RHOC: variants seen among roughly 807,000 people sequenced by gnomAD.
RHOC encodes rho-related GTP-binding protein RhoC.
RHOC carries 13 observed loss-of-function variants against 19.5 expected under a neutral mutation model. That is an observed-to-expected ratio of 0.67 (90% CI 0.43 to 1.06). RHOC has a LOEUF of 1.06. Among genes scored for constraint, RHOC ranks in the 50% least tolerant of loss-of-function variants. The probability of loss-of-function intolerance (pLI) is 0.00; values close to 1 mark genes in which losing one functional copy is unlikely to be tolerated. For synonymous variants in RHOC, 106 were observed against 97.3 expected (o/e 1.09, Z -0.52); for missense variants, 173 against 256.9 (o/e 0.67, Z 2.23).
At position 112,703,048 on chromosome 1, in the gene RHOC, G is replaced by A; in HGVS notation, c.228C>T (p.Asp76=). The A allele has an allele frequency of 6.2e-7, 1 of 1,614,200 alleles. No individual in the cohort carries two copies. The highest frequency in any genetic ancestry group is 1.6e-4 in the Middle Eastern group (1 of 6,062). The change falls in exon 4 of 6, where the codon GAC becomes GAT. Residue 76 remains aspartate (D), a synonymous_variant. Transcript: ENST00000339083. ...YDRLRPLSYP[D]TDVILMCFSI... ...AGAAGCACATGAGGATGACATCAGTGTCCGGGTAGGAGAGAGGCCGCAGTC... is the reference window on the plus strand; with the variant it reads ...AGAAGCACATGAGGATGACATCAGTATCCGGGTAGGAGAGAGGCCGCAGTC...
At position 112,706,454 on chromosome 1, in the gene RHOC, CACACACACACCACACACA is replaced by C. The variant is rs1674857736; in HGVS notation, c.-77+606_-77+623del. ...CTACACACACACACACACACACACACACACACACACCACACACACACACACACACACACACACACACAC... is the reference window on the plus strand; with the variant it reads ...CTACACACACACACACACACACACACCACACACACACACACACACACACAC... On this transcript the variant is annotated intron_variant, in intron 1 of 5. Coordinates refer to ENST00000339083, the MANE Select transcript of RHOC (RefSeq NM_175744.5). 1.4e-4 allele frequency among the ~76,000 whole-genome samples: 13 copies of C among 95,412 alleles called. 1 individual carries two copies. Among genetic ancestry groups the C allele is most frequent in the Admixed American group, 3.9e-4 (4 of 10,190 alleles). The allele number at this position is 95,412 out of a possible 152,430, so 62.6% of individuals were successfully genotyped here. A position where few individuals can be genotyped will look rare whatever the true frequency, so the allele number is the denominator to read the frequency against.
At chr1:112,702,957 G>A in intron 4 of RHOC, 42 bp downstream of exon 4, 1 of 1,611,496 alleles carries the variant, frequency 6.2e-7, no homozygotes, top group Non-Finnish European at 8.5e-7. Context: ...ACCTCTGGCT[G>A]ATTCCAAGGG....
At chr1:112,706,461 ACAC>A (rs1376853845) in intron 1 of RHOC, among the ~76,000 whole-genome samples, 5 of 10,978 alleles carry the variant, frequency 4.6e-4, no homozygotes, top group African/African-American at 1.5e-3. Context: ...ACACACACAC[ACAC>A]CACACACACA....
At position 112,701,408 on chromosome 1, in the gene RHOC, A is replaced by G. The variant is rs1674622405; in HGVS notation, c.*132T>C. The G allele has an allele frequency of 8.2e-6, 13 of 1,584,862 alleles. No homozygotes were observed. The highest frequency in any genetic ancestry group is 2.3e-5 in the East Asian group (1 of 43,252). Reference sequence around the variant, plus strand: ...GCCACCACCTCGGGGCTAGAAAACAATGCAGTCCTGGGCAGGAGGGAACTG... The same window carrying G: ...GCCACCACCTCGGGGCTAGAAAACAGTGCAGTCCTGGGCAGGAGGGAACTG... On this transcript the variant is annotated 3_prime_UTR_variant, in exon 6 of 6. Transcript: ENST00000339083.
chr1:112,703,167 C>A, intron 3 of RHOC, 48 bp from the exon 4 acceptor site: 1 of 1,607,982 alleles, frequency 6.2e-7, no homozygotes, highest in Non-Finnish European at 8.5e-7. Flanking sequence ...CCCAACCCTG[C>A]CACCCAAAGG....
chr1:112,701,159 C>A lies in RHOC; in HGVS notation c.*381G>T. On this transcript the variant is annotated 3_prime_UTR_variant, in exon 6 of 6. Coordinates refer to ENST00000339083, the MANE Select transcript of RHOC (RefSeq NM_175744.5). ...GAGCCTGTAGCCTTTATTCATGCCC[C>A]CCTGACCAAATGCAGTGAGAGACAA... 3.9e-6 allele frequency: 2 copies of A among 518,690 alleles called. No homozygotes were observed. Among genetic ancestry groups the A allele is most frequent in the Non-Finnish European group, 6.9e-6 (2 of 290,752 alleles). The allele number at this position is 518,690 out of a possible 1,614,324, so 32.1% of individuals were successfully genotyped here. A position where few individuals can be genotyped will look rare whatever the true frequency, so the allele number is the denominator to read the frequency against.
rs747611727 is a variant in RHOC, at chr1:112,701,686, C to CCCGGCCTT, written c.428_435dup (p.Asp146LysfsTer78). 1.2e-6 allele frequency: 2 copies of CCCGGCCTT among 1,614,004 alleles called. No homozygotes were observed. The highest frequency in any genetic ancestry group is 8.5e-7 in the Non-Finnish European group (1 of 1,180,016). On this transcript the variant is annotated frameshift_variant, in exon 6 of 6. Transcript: ENST00000339083. LOFTEE classifies it high-confidence loss of function. ...AAGGCACTGATCCGGTTCGCCATGT[C>CCCGGCCTT]CCGGCCTTCCTCAGACCGAACGGGC...
chr1:112,705,934 G>A, intron 1 of RHOC: 1 of 324,218 alleles, frequency 3.1e-6, no homozygotes, highest in Non-Finnish European at 6.2e-6. Flanking sequence ...TAAGGGACCT[G>A]GAGCCTCCAG....
intron 1 of RHOC, among the ~76,000 whole-genome samples, chr1:112,706,492 A>ACACACACACCCCCACAC (rs1674886655): frequency 3.3e-5 from 1 of 30,020 alleles, no homozygotes; most frequent in East Asian, 7.2e-4. Flanking sequence ...ACACACACAC[A>ACACACACACCCCCACAC]CACACACACA....
At chr1:112,703,613 G>C in intron 3 of RHOC, 31 bp downstream of exon 3, 2 of 1,592,416 alleles carry the variant, frequency 1.3e-6, no homozygotes, top group Non-Finnish European at 1.7e-6. Flanking sequence ...GGGGTCTCAG[G>C]GTGGGGTGGG....
At chr1:112,706,406 A>T (rs903059723) in intron 1 of RHOC, among the ~76,000 whole-genome samples, 1 of 134,800 alleles carries the variant, frequency 7.4e-6, no homozygotes, top group African/African-American at 2.8e-5. Flanking sequence ...TCTCAATCTC[A>T]TTTTCTCTCT....
rs746011071 is a variant in RHOC at position 112,701,672 on chromosome 1, C to G, written c.450G>C (p.Arg150=). 2.5e-6 allele frequency: 4 copies of G among 1,614,056 alleles called. No homozygotes were observed. Among genetic ancestry groups the G allele is most frequent in the Middle Eastern group, 1.6e-4 (1 of 6,062 alleles). Residue 150 remains arginine (R), a synonymous_variant, in exon 6 of 6, where the codon CGG becomes CGC. Transcript: ENST00000339083. ...RSEEGRDMAN[R]ISAFGYLECS... ...ACTCAAGGTAGCCAAAGGCACTGAT[C>G]CGGTTCGCCATGTCCCGGCCTTCCT...
intron 3 of RHOC, 64 bp downstream of exon 3, chr1:112,703,580 A>T: frequency 8.1e-7 from 1 of 1,229,996 alleles, no homozygotes; most frequent in Non-Finnish European, 1.1e-6. Context: ...AGGACATACT[A>T]GGTCATTCAG....
Position 112,706,507 on chromosome 1 carries a change from CACA to C in RHOC, c.-77+568_-77+570del, listed in dbSNP as rs1557780906. Among the ~76,000 whole-genome samples the C allele has an allele frequency of 2.0e-4, 13 of 65,092 alleles. 1 individual carries two copies. The highest frequency in any genetic ancestry group is 6.5e-4 in the African/African-American group (13 of 19,990). 42.7% of individuals were successfully genotyped at this position (65,092 alleles called of 152,430 possible). On this transcript the variant is annotated intron_variant, in intron 1 of 5. Transcript: ENST00000339083. ...ACACACACACACACACACACACACA[CACA>C]CACACACACACACACACACACACAC...
chr1:112,706,489 CACACACACACACACACACACA>C (rs1674884654), intron 1 of RHOC, among the ~76,000 whole-genome samples: 1 of 29,384 alleles, frequency 3.4e-5, no homozygotes, highest in African/African-American at 1.2e-4. Flanking sequence ...CACACACACA[CACACACACACACACACACACA>C]CACACACACA....
chr1:112,701,309 G>A lies in RHOC; in HGVS notation c.*231C>T. 1 of 1,252,066 alleles carries A rather than the reference G, an allele frequency of 8.0e-7. No individual in the cohort carries two copies. The highest frequency in any genetic ancestry group is 1.1e-6 in the Non-Finnish European group (1 of 914,712). 77.6% of individuals were successfully genotyped at this position (1,252,066 alleles called of 1,614,324 possible). On this transcript the variant is annotated 3_prime_UTR_variant, in exon 6 of 6. Coordinates refer to ENST00000339083, the MANE Select transcript of RHOC (RefSeq NM_175744.5). ...CATCCTTTGGGGAAGGTCAAAGGGG[G>A]CAAGATCCCCAGGGGCCCTGAGGAA...
At chr1:112,705,904 C>A in intron 1 of RHOC, 1 of 340,594 alleles carries the variant, frequency 2.9e-6, no homozygotes, top group South Asian at 2.3e-5. Context: ...AGGACAGAAA[C>A]CCGGGGTTGA....
At chr1:112,706,504 A>ACCCACAC in intron 1 of RHOC, among the ~76,000 whole-genome samples, 1 of 66,308 alleles carries the variant, frequency 1.5e-5, no homozygotes, top group South Asian at 6.5e-4. Context: ...ACACACACAC[A>ACCCACAC]CACACACACA....
intron 3 of RHOC, 108 bp downstream of exon 3, chr1:112,703,536 G>A: frequency 1.1e-6 from 1 of 934,588 alleles, no homozygotes; most frequent in South Asian, 1.4e-5. Context: ...TTCCAGCAGG[G>A]AGAATGAAGC....
Sources: gnomAD v4.1 joint callset for allele counts (sites outside exome capture counted in the v4.1 genomes callset) on GRCh38, gnomAD v4.1.1 for gene constraint, MANE v1.5 for transcripts, NCBI Gene and HGNC (gene_info 2026-07-23, HGNC 2026-07-21) for gene names.